AGMO: variants seen among roughly 807,000 people sequenced by gnomAD.
The protein encoded by AGMO is alkylglycerol monooxygenase.
Under a neutral mutation model 60.2 loss-of-function variants are expected in AGMO, and 75 were observed. The ratio of observed to expected loss-of-function variants is 1.25; its 90% CI spans 1.03 to 1.51. AGMO has a LOEUF of 1.51. Among genes scored for constraint, AGMO ranks in the 40% most tolerant of loss-of-function variants. The probability of loss-of-function intolerance (pLI) is 0.00; values close to 1 mark genes in which losing one functional copy is unlikely to be tolerated. For synonymous variants in AGMO, 261 were observed against 177.1 expected (o/e 1.47, Z -3.76); for missense variants, 763 against 525.5 (o/e 1.45, Z -4.42).
intron 6 of AGMO, among the ~76,000 whole-genome samples, chr7:15,392,351 G>GT (rs1784179093): frequency 6.6e-6 from 1 of 152,052 alleles, no homozygotes; most frequent in Admixed American, 6.5e-5. Context: ...GATTACAGGC[G>GT]TGAGTCAACA....
chr7:15,387,722 C>T (rs1428647669), intron 8 of AGMO, among the ~76,000 whole-genome samples, 182 bp from the exon 9 acceptor site: 1 of 152,012 alleles, frequency 6.6e-6, no homozygotes, highest in Non-Finnish European at 1.5e-5. Flanking sequence ...GCACTGTATA[C>T]CATTAAGTGC....
chr7:15,317,823 G>T (rs940048885), intron 12 of AGMO, among the ~76,000 whole-genome samples: 1 of 149,106 alleles, frequency 6.7e-6, no homozygotes, highest in Non-Finnish European at 1.5e-5. Flanking sequence ...AAGAGATATT[G>T]AAAGGTTTAT....
chr7:15,441,749 G>C (rs986393915), intron 3 of AGMO, among the ~76,000 whole-genome samples: 1 of 152,082 alleles, frequency 6.6e-6, no homozygotes, highest in African/African-American at 2.4e-5. Context: ...ACAAGCTACG[G>C]AATCCATTTT....
the AGMO span, among the ~76,000 whole-genome samples, chr7:15,122,896 A>T: frequency 1.3e-5 from 2 of 152,034 alleles, no homozygotes; most frequent in Non-Finnish European, 2.9e-5. Flanking sequence ...AAATATAATC[A>T]TGTCACTACT....
chr7:15,233,702 A>G (rs779787385), intron 12 of AGMO, among the ~76,000 whole-genome samples: 3 of 152,190 alleles, frequency 2.0e-5, no homozygotes, highest in Non-Finnish European at 4.4e-5. Context: ...TTGCTGCAGT[A>G]TGTAGTTGGG....
chr7:15,330,108 T>G (rs939831306), intron 12 of AGMO, among the ~76,000 whole-genome samples: 1 of 152,202 alleles, frequency 6.6e-6, no homozygotes, highest in African/African-American at 2.4e-5. Context: ...AAATGATTTC[T>G]TAAAAGTTTT....
the AGMO span, among the ~76,000 whole-genome samples, chr7:15,162,576 C>T: frequency 6.6e-6 from 1 of 152,036 alleles, no homozygotes; most frequent in Non-Finnish European, 1.5e-5. Context: ...CACCTATAGT[C>T]CCAGTAACCC....
chr7:15,163,849 A>T, the AGMO span, among the ~76,000 whole-genome samples: 1 of 151,960 alleles, frequency 6.6e-6, no homozygotes, highest in African/African-American at 2.4e-5. Context: ...AGAATGAGTT[A>T]GGGAGAAATC....
At chr7:15,153,387 T>G in the AGMO span, among the ~76,000 whole-genome samples, 1 of 152,138 alleles carries the variant, frequency 6.6e-6, no homozygotes. Context: ...TGCATTTGCT[T>G]TTGTGTTTTT....
chr7:15,345,462 C>T (rs1441625811), intron 12 of AGMO, among the ~76,000 whole-genome samples: 4 of 152,190 alleles, frequency 2.6e-5, no homozygotes, highest in African/African-American at 9.6e-5. Flanking sequence ...TCACATGCCA[C>T]AGCTGGATTA....
intron 8 of AGMO, among the ~76,000 whole-genome samples, chr7:15,390,296 CAG>C (rs1221819446): frequency 6.6e-6 from 1 of 152,152 alleles, no homozygotes; most frequent in Admixed American, 6.5e-5. Context: ...AATTTCTAAC[CAG>C]AGTCATGCAC....
chr7:15,387,601 A>T, intron 8 of AGMO, 61 bp from the exon 9 acceptor site: 1 of 1,411,916 alleles, frequency 7.1e-7, no homozygotes, highest in Non-Finnish European at 9.7e-7. Context: ...TTAAATACCA[A>T]AAGTTATGTA....
intron 12 of AGMO, among the ~76,000 whole-genome samples, chr7:15,293,446 T>A (rs901620667): frequency 1.5e-4 from 23 of 152,076 alleles, no homozygotes; most frequent in Admixed American, 2.0e-4. Context: ...GAGAGAAGGA[T>A]TTATTTGCCT....
chr7:15,263,015 T>G (rs183358177), intron 12 of AGMO, among the ~76,000 whole-genome samples: 95 of 152,174 alleles, frequency 6.2e-4, no homozygotes, highest in African/African-American at 2.2e-3. Context: ...AGACATTGGC[T>G]TAGGCAATGA....
At chr7:15,278,194 G>C (rs184305878) in intron 12 of AGMO, among the ~76,000 whole-genome samples, 2 of 152,090 alleles carry the variant, frequency 1.3e-5, no homozygotes, top group African/African-American at 4.8e-5. Context: ...CAGCTTTGTG[G>C]CTCATCTGAT....
intron 2 of AGMO, among the ~76,000 whole-genome samples, chr7:15,548,018 G>A (rs1443379061): frequency 2.0e-5 from 3 of 147,624 alleles, no homozygotes; most frequent in African/African-American, 2.4e-5. Context: ...CCTGACACCG[G>A]AGCAGCCTAA....
chr7:15,368,862 A>G (rs1349874720), intron 10 of AGMO, among the ~76,000 whole-genome samples: 1 of 152,112 alleles, frequency 6.6e-6, no homozygotes, highest in South Asian at 2.1e-4. Context: ...CATCCTGACT[A>G]CTGGACTCAG....
At chr7:15,381,856 G>C (rs1783705546) in intron 10 of AGMO, among the ~76,000 whole-genome samples, 1 of 152,194 alleles carries the variant, frequency 6.6e-6, no homozygotes, top group Non-Finnish European at 1.5e-5. Flanking sequence ...AAACAATGAG[G>C]TCATGTCCTT....
chr7:15,305,033 T>C (rs1780570952), intron 12 of AGMO, among the ~76,000 whole-genome samples: 1 of 151,944 alleles, frequency 6.6e-6, no homozygotes, highest in African/African-American at 2.4e-5. Flanking sequence ...TCAAACTTAA[T>C]ATTAAGAATA....
Sources: gnomAD v4.1 joint callset for allele counts (sites outside exome capture counted in the v4.1 genomes callset) on GRCh38, gnomAD v4.1.1 for gene constraint, MANE v1.5 for transcripts, NCBI Gene and HGNC (gene_info 2026-07-23, HGNC 2026-07-21) for gene names.